TLR5: variants seen among roughly 807,000 people sequenced by gnomAD.
TLR5 encodes toll like receptor 5, also known as toll-like receptor 5.
For synonymous variants in TLR5, 373 were observed against 384.4 expected (o/e 0.97, Z 0.35); for missense variants, 944 against 999.8 (o/e 0.94, Z 0.75).
rs1011025182 is a variant in TLR5 at position 223,112,477 on chromosome 1, T to A, written c.555A>T (p.Val185=). 5.6e-6 allele frequency: 9 copies of A among 1,614,120 alleles called. No individual in the cohort carries two copies. Among genetic ancestry groups the A allele is most frequent in the Non-Finnish European group, 7.6e-6 (9 of 1,180,060 alleles). ...IDFSSNQIFL[V]CEHELEPLQG... Reference sequence around the variant, plus strand: ...GTAGGGGCTCGAGCTCATGTTCACATACAAGGAATATTTGGTTGGAGGAAA... The same window carrying A: ...GTAGGGGCTCGAGCTCATGTTCACAAACAAGGAATATTTGGTTGGAGGAAA... The change falls in exon 6 of 6, where the codon GTA becomes GTT. Residue 185 remains valine, a synonymous_variant. Coordinates refer to ENST00000642603, the MANE Select transcript of TLR5 (RefSeq NM_003268.6).
chr1:223,111,695 C>G lies in TLR5; in HGVS notation c.1337G>C (p.Arg446Pro), dbSNP rs762097958. Residue 446 changes from arginine to proline, a missense_variant, in exon 6 of 6, where the codon CGG becomes CCG. Arg to Pro is a moderately radical substitution (Grantham distance 103, BLOSUM62 -2). Coordinates refer to ENST00000642603, the MANE Select transcript of TLR5 (RefSeq NM_003268.6). ...ENLDILYFLL[R>P]VPHLQILILN... Reference sequence around the variant, plus strand: ...AATGAGAATCTGGAGATGAGGTACCCGTAGGAGAAAGTAGAGAATATCTAG... The same window carrying G: ...AATGAGAATCTGGAGATGAGGTACCGGTAGGAGAAAGTAGAGAATATCTAG... The G allele has an allele frequency of 1.2e-6, 2 of 1,614,048 alleles. No homozygotes were observed. Among genetic ancestry groups the G allele is most frequent in the Admixed American group, 3.3e-5 (2 of 60,018 alleles).
chr1:223,122,326 C>T (rs1312251067), intron 5 of TLR5, among the ~76,000 whole-genome samples: 1 of 152,172 alleles, frequency 6.6e-6, no homozygotes, highest in African/African-American at 2.4e-5. Context: ...GGCCCTAAAT[C>T]CAGCTCCAGG....
At position 223,112,426 on chromosome 1, in the gene TLR5, G is replaced by T. The variant is rs762553754; in HGVS notation, c.606C>A (p.Ser202Arg). 5 of 1,614,190 alleles carry T rather than the reference G, an allele frequency of 3.1e-6. No individual in the cohort carries two copies. The East Asian group carries it at 8.9e-5, about 29-fold the overall frequency. The change falls in exon 6 of 6, where the codon AGC (serine) becomes AGA (arginine). Residue 202 changes from serine to arginine, a missense_variant. By Grantham distance (110) the Ser-to-Arg change is moderately radical. Transcript: ENST00000642603. ...PLQGKTLSFF[S>R]LAANSLYSRV... is the part of the protein sequence containing the mutation. Reference sequence around the variant, plus strand: ...TGCTATACAAGCTATTAGCTGCGAGGCTAAAAAAGGAGAGCGTTTTCCCTT... The same window carrying T: ...TGCTATACAAGCTATTAGCTGCGAGTCTAAAAAAGGAGAGCGTTTTCCCTT...
At chr1:223,118,754 A>G (rs1372079923) in intron 5 of TLR5, among the ~76,000 whole-genome samples, 1 of 152,114 alleles carries the variant, frequency 6.6e-6, no homozygotes, top group Admixed American at 6.5e-5. Context: ...ACTTCCCATC[A>G]TGGCCTAAAC....
intron 5 of TLR5, among the ~76,000 whole-genome samples, chr1:223,116,469 T>C (rs1656654363): frequency 1.3e-5 from 2 of 152,144 alleles, no homozygotes; most frequent in Admixed American, 1.3e-4. Flanking sequence ...CCTCAGGAAT[T>C]AAGCTGCAGA....
intron 5 of TLR5, among the ~76,000 whole-genome samples, chr1:223,116,996 G>T (rs1248184262): frequency 6.6e-6 from 1 of 152,182 alleles, no homozygotes; most frequent in East Asian, 1.9e-4. Flanking sequence ...GATGGGACCG[G>T]GCGCCGTGGA....
chr1:223,138,108 G>A (rs2192617), intron 2 of TLR5, among the ~76,000 whole-genome samples: 17,898 of 150,804 alleles, frequency 0.12, 1,369 homozygotes, highest in East Asian at 0.27. Flanking sequence ...ATAGGCATGT[G>A]CCACCATGCC....
chr1:223,113,394 T>A (rs1391419829), intron 5 of TLR5, among the ~76,000 whole-genome samples: 1 of 151,864 alleles, frequency 6.6e-6, no homozygotes, highest in Non-Finnish European at 1.5e-5. Context: ...TTAGTAGAAA[T>A]GGGGTTTCAC....
At chr1:223,117,247 C>G (rs73118103) in intron 5 of TLR5, among the ~76,000 whole-genome samples, 1,558 of 152,236 alleles carry the variant, frequency 0.01, 30 homozygotes, top group African/African-American at 0.036. Context: ...TAGGGCCTGC[C>G]AAGCCCACGC....
At chr1:223,118,879 G>A (rs551776375) in intron 5 of TLR5, among the ~76,000 whole-genome samples, 28 of 152,078 alleles carry the variant, frequency 1.8e-4, no homozygotes, top group African/African-American at 5.8e-4. Flanking sequence ...TGAGGCAGGC[G>A]GATCACCTGA....
intron 3 of TLR5, among the ~76,000 whole-genome samples, chr1:223,136,330 C>T (rs931534525): frequency 3.3e-5 from 5 of 152,182 alleles, no homozygotes; most frequent in African/African-American, 1.2e-4. Context: ...GCAGGAGATA[C>T]CTGCACCCGA....
In TLR5 at chr1:223,111,483, G is replaced by A. The variant is rs1228179026; in HGVS notation, c.1549C>T (p.Leu517Phe). The A allele has an allele frequency of 1.2e-6, 2 of 1,614,164 alleles. No individual in the cohort carries two copies. Among genetic ancestry groups the A allele is most frequent in the African/African-American group, 1.3e-5 (1 of 75,028 alleles). ...LYLNHNYLNS[L>F]PPGVFSHLTA... ...AGATGGCTAAATACTCCTGGTGGAAGGGAATTAAGATAGTTATGATTCAAA... is the reference window on the plus strand; with the variant it reads ...AGATGGCTAAATACTCCTGGTGGAAAGGAATTAAGATAGTTATGATTCAAA... The change falls in exon 6 of 6, where the codon CTT becomes TTT. Residue 517 changes from leucine to phenylalanine, a missense_variant. By Grantham distance (22) the Leu-to-Phe change is conservative. Coordinates refer to ENST00000642603, the MANE Select transcript of TLR5 (RefSeq NM_003268.6).
rs374353897 is a variant in TLR5 at position 223,141,216 on chromosome 1, T to C, written c.-439+432A>G. The stretch of plus-strand genomic sequence containing the variant: ...CTTTCAACACTCAGCAGAGCCAAAC[T>C]TCCTGATGCACGGGAATGAACAACG... On this transcript the variant is annotated intron_variant, in intron 2 of 5. Coordinates refer to ENST00000642603, the MANE Select transcript of TLR5 (RefSeq NM_003268.6). 7.9e-5 allele frequency among the ~76,000 whole-genome samples: 12 copies of C among 152,296 alleles called. No homozygotes were observed. The East Asian group carries it at 1.7e-3, about 22-fold the overall frequency.
At position 223,131,245 on chromosome 1, in the gene TLR5, C is replaced by T. The variant is rs1004777770; in HGVS notation, c.-5+1230G>A. Among the ~76,000 whole-genome samples, 2 of 152,230 alleles carry T rather than the reference C, an allele frequency of 1.3e-5. No individual in the cohort carries two copies. Among genetic ancestry groups the T allele is most frequent in the African/African-American group, 4.8e-5 (2 of 41,464 alleles). On this transcript the variant is annotated intron_variant, in intron 5 of 5. Transcript: ENST00000642603. This position sits in a 1 kb window ranked among gnomAD's most constrained non-coding sequence, Gnocchi z 4.2. Reference sequence around the variant, plus strand: ...CCCCACCACAGACTCTAAGTGAATTCTGGAATGGTTGACTAGAGAGGCCCT... The same window carrying T: ...CCCCACCACAGACTCTAAGTGAATTTTGGAATGGTTGACTAGAGAGGCCCT...
intron 1 of TLR5, 57 bp from the exon 2 acceptor site, chr1:223,141,820 T>TAGAGAGAG (rs1558137187): frequency 9.1e-5 from 4 of 43,894 alleles, no homozygotes; most frequent in African/African-American, 3.7e-4. Flanking sequence ...TATATATATA[T>TAGAGAGAG]ATAGAGAGAG....
intron 2 of TLR5, among the ~76,000 whole-genome samples, chr1:223,139,846 C>T (rs1446588467): frequency 1.3e-5 from 2 of 152,220 alleles, no homozygotes; most frequent in African/African-American, 4.8e-5. Flanking sequence ...CCTTGTAACA[C>T]ATAACCTGTG....
intron 2 of TLR5, among the ~76,000 whole-genome samples, chr1:223,140,164 T>A (rs1192333933): frequency 6.6e-6 from 1 of 152,182 alleles, no homozygotes; most frequent in Non-Finnish European, 1.5e-5. Flanking sequence ...AGGTGCCATT[T>A]GAGCTGCTTC....
chr1:223,116,285 T>C (rs945845274), intron 5 of TLR5, among the ~76,000 whole-genome samples: 1 of 152,226 alleles, frequency 6.6e-6, no homozygotes. Flanking sequence ...TTCTGATGTT[T>C]GGACGTGTTC....
At chr1:223,134,948 G>C (rs1179835842) in intron 3 of TLR5, 84 bp from the exon 4 acceptor site, 1 of 152,388 alleles carries the variant, frequency 6.6e-6, no homozygotes, top group Non-Finnish European at 1.5e-5. Flanking sequence ...CTGGGGTGGG[G>C]GTGGTGACCG....
Sources: allele counts gnomAD v4.1 joint callset (sites outside exome capture counted in the v4.1 genomes callset), GRCh38; gene constraint gnomAD v4.1.1; non-coding constraint Gnocchi (gnomAD v3.1); transcripts MANE v1.5; gene names NCBI Gene and HGNC (gene_info 2026-07-23, HGNC 2026-07-21).